Variants in OR3A2 observed in about 807,000 individuals in gnomAD.
OR3A2 encodes olfactory receptor 3A2.
For missense variants in OR3A2, 318 were observed against 392.8 expected (o/e 0.81, Z 1.61); for synonymous variants, 126 against 159.3 (o/e 0.79, Z 1.57).
At chr17:3,295,692 T>C (rs760534564) in intron 3 of OR3A2, among the ~76,000 whole-genome samples, 3 of 152,052 alleles carry the variant, frequency 2.0e-5, no homozygotes, top group Non-Finnish European at 4.4e-5. Context: ...TGCCAAAATA[T>C]ACAGCCAAAA....
chr17:3,362,689 C>G (rs2049528632), intron 2 of OR3A2, among the ~76,000 whole-genome samples: 1 of 151,642 alleles, frequency 6.6e-6, no homozygotes, highest in Admixed American at 6.6e-5. Flanking sequence ...AGTAGTCATT[C>G]AGGAGCAGAT....
intron 2 of OR3A2, chr17:3,377,583 A>C (rs936734025): frequency 3.3e-5 from 5 of 152,214 alleles, no homozygotes; most frequent in Admixed American, 1.3e-4. Flanking sequence ...TGGCATGGCC[A>C]TGACTACTAC....
chr17:3,310,533 G>T (rs146152495), intron 3 of OR3A2: 44 of 535,858 alleles, frequency 8.2e-5, no homozygotes, highest in Non-Finnish European at 1.6e-4. Context: ...GCCAGATGTG[G>T]GGTGTGTCAG....
At chr17:3,353,475 TATG>T (rs1333374159) in intron 2 of OR3A2, among the ~76,000 whole-genome samples, 12 of 151,934 alleles carry the variant, frequency 7.9e-5, no homozygotes, top group African/African-American at 2.4e-4. Flanking sequence ...CCTAATTCAG[TATG>T]ATACTATTCA....
chr17:3,310,430 T>C (rs2049031264), intron 3 of OR3A2: 1 of 535,452 alleles, frequency 1.9e-6, no homozygotes. Flanking sequence ...CTTACGTCAC[T>C]ACCATTGGAG....
chr17:3,323,450 C>A (rs985675370), intron 3 of OR3A2, among the ~76,000 whole-genome samples: 2 of 151,988 alleles, frequency 1.3e-5, no homozygotes, highest in African/African-American at 4.8e-5. Flanking sequence ...TTCTTCCTAA[C>A]CTCGATGGTC....
chr17:3,282,407 C>CAA (rs139677371), intron 1 of OR3A2, among the ~76,000 whole-genome samples: 5 of 151,664 alleles, frequency 3.3e-5, no homozygotes, highest in Middle Eastern at 3.4e-3. Flanking sequence ...GATTCTGTCT[C>CAA]AAAAAAAAGA....
intron 3 of OR3A2, chr17:3,292,314 G>T (rs773218076): frequency 1.2e-6 from 2 of 1,614,188 alleles, no homozygotes; most frequent in South Asian, 1.1e-5. Context: ...ACGCTTGCGG[G>T]ACAGGAGACG....
intron 3 of OR3A2, among the ~76,000 whole-genome samples, chr17:3,323,960 CT>C (rs2049148088): frequency 6.6e-6 from 1 of 152,104 alleles, no homozygotes; most frequent in Admixed American, 6.6e-5. Context: ...TGTTTTCCAA[CT>C]TGGTTCCATT....
At chr17:3,340,255 G>C (rs1486438361) in intron 2 of OR3A2, among the ~76,000 whole-genome samples, 1 of 151,930 alleles carries the variant, frequency 6.6e-6, no homozygotes, top group African/African-American at 2.4e-5. Flanking sequence ...GGTTTTTTGT[G>C]TCTCTATCTC....
At chr17:3,315,030 T>C (rs2049070325) in intron 3 of OR3A2, among the ~76,000 whole-genome samples, 1 of 152,236 alleles carries the variant, frequency 6.6e-6, no homozygotes, top group South Asian at 2.1e-4. Flanking sequence ...TTCCTTTTTA[T>C]GGCTGCATAG....
chr17:3,356,628 T>C (rs1355768696), intron 2 of OR3A2, among the ~76,000 whole-genome samples: 1 of 151,488 alleles, frequency 6.6e-6, no homozygotes, highest in Non-Finnish European at 1.5e-5. Context: ...TTTTCCACCA[T>C]AAATACTCTA....
At chr17:3,305,813 C>T (rs928010024) in intron 3 of OR3A2, among the ~76,000 whole-genome samples, 14 of 152,264 alleles carry the variant, frequency 9.2e-5, no homozygotes, top group African/African-American at 2.6e-4. Context: ...AATGATTAGA[C>T]GTGTGTGGAC....
chr17:3,333,010 C>A (rs536121305), intron 3 of OR3A2, among the ~76,000 whole-genome samples: 1 of 152,268 alleles, frequency 6.6e-6, no homozygotes, highest in Non-Finnish European at 1.5e-5. Context: ...TGACTGCCTG[C>A]AGGATTGGGC....
chr17:3,327,998 C>T (rs2150640020), intron 3 of OR3A2, among the ~76,000 whole-genome samples: 1 of 134,594 alleles, frequency 7.4e-6, no homozygotes, highest in East Asian at 2.1e-4. Flanking sequence ...TGTGATGCCT[C>T]CAGCTTTGTT....
intron 2 of OR3A2, among the ~76,000 whole-genome samples, chr17:3,364,287 T>C (rs2049544643): frequency 1.3e-5 from 2 of 152,270 alleles, no homozygotes; most frequent in Admixed American, 6.5e-5. Context: ...GTATACATTA[T>C]GGAATGATCA....
exon 2 of OR3A2, chr17:3,277,918 G>A: frequency 6.6e-7 from 1 of 1,523,626 alleles, no homozygotes; most frequent in Non-Finnish European, 8.8e-7. Flanking sequence ...TGTCTTCATG[G>A]GAAATTTTCC....
rs560797327 is a variant in OR3A2, at chr17:3,372,027, C to T, written c.-179+11777G>A. Among the ~76,000 whole-genome samples, 257 of 109,914 alleles carry T rather than the reference C, an allele frequency of 2.3e-3. 14 individuals are homozygous for T. The highest frequency in any genetic ancestry group is 9.3e-3 in the African/African-American group (240 of 25,698). The allele number at this position is 109,914 out of a possible 152,430, so 72.1% of individuals were successfully genotyped here. On this transcript the variant is annotated intron_variant, in intron 2 of 4. Coordinates refer to the OR3A2 transcript ENST00000573491. ...GCAGAGGGGCTCCTCACTTCTCATA[C>T]GGGGCGGCTGCCGGGCGGAGGGGCT... is the stretch of plus-strand genomic sequence containing the variant.
At chr17:3,368,214 G>C (rs747841725) in intron 2 of OR3A2, among the ~76,000 whole-genome samples, 1 of 151,966 alleles carries the variant, frequency 6.6e-6, no homozygotes, top group African/African-American at 2.4e-5. Context: ...TATTTCTTTC[G>C]CGGTGCATAA....
Sources: gnomAD v4.1 joint callset for allele counts (sites outside exome capture counted in the v4.1 genomes callset) on GRCh38, gnomAD v4.1.1 for gene constraint, MANE v1.5 for transcripts, NCBI Gene and HGNC (gene_info 2026-07-23, HGNC 2026-07-21) for gene names.